The following CNTNAP2 variants were observed in gnomAD, a reference collection of about 807,000 sequenced individuals.
CNTNAP2 encodes the protein contactin-associated protein-like 2.
CNTNAP2 carries 98 observed loss-of-function variants against 155.2 expected under a neutral mutation model. That is an observed-to-expected ratio of 0.63 (90% CI 0.54 to 0.75). The LOEUF (loss-of-function observed/expected upper bound fraction) is 0.75, where lower values mean the gene tolerates loss of function less well. CNTNAP2 is among the 30% of genes least tolerant of loss of function. CNTNAP2 has a pLI of 0.00. For missense variants in CNTNAP2, 1,727 were observed against 1,688.1 expected (o/e 1.02, Z -0.40); for synonymous variants, 651 against 631.2 (o/e 1.03, Z -0.47).
chr7:147,813,697 C>T (rs1163221910), intron 13 of CNTNAP2, among the ~76,000 whole-genome samples: 2 of 152,182 alleles, frequency 1.3e-5, no homozygotes, highest in African/African-American at 4.8e-5. Flanking sequence ...TGTGATATTA[C>T]TCACTGAACA....
chr7:147,745,978 T>C (rs187413738), intron 13 of CNTNAP2, among the ~76,000 whole-genome samples: 35 of 152,344 alleles, frequency 2.3e-4, no homozygotes, highest in African/African-American at 8.4e-4. Context: ...GTGTAATCTG[T>C]ATAATTGTTT....
intron 10 of CNTNAP2, among the ~76,000 whole-genome samples, chr7:147,428,813 G>A (rs1797422345): frequency 6.6e-6 from 1 of 152,072 alleles, no homozygotes; most frequent in South Asian, 2.1e-4. Context: ...TTTGGGAACA[G>A]GTGGTGTTTG....
intron 1 of CNTNAP2, among the ~76,000 whole-genome samples, chr7:146,155,043 G>T (rs952409580): frequency 2.6e-5 from 4 of 152,100 alleles, no homozygotes; most frequent in Admixed American, 2.6e-4. Flanking sequence ...AACTCTAATT[G>T]CTTCAACAGA....
intron 2 of CNTNAP2, among the ~76,000 whole-genome samples, chr7:146,783,044 G>A (rs1440513115): frequency 1.3e-5 from 2 of 152,044 alleles, no homozygotes; most frequent in African/African-American, 4.8e-5. Context: ...TATTTTTGGG[G>A]TGTTAAGACT....
chr7:147,352,034 G>T (rs1795975801), intron 9 of CNTNAP2, among the ~76,000 whole-genome samples: 1 of 151,872 alleles, frequency 6.6e-6, no homozygotes, highest in Admixed American at 6.6e-5. Context: ...TTAATTAGCT[G>T]ATAAAACAAA....
At chr7:147,386,557 C>T (rs1796629333) in intron 9 of CNTNAP2, among the ~76,000 whole-genome samples, 1 of 152,188 alleles carries the variant, frequency 6.6e-6, no homozygotes, top group Non-Finnish European at 1.5e-5. Flanking sequence ...TCTGCTAAAA[C>T]ATAACAAGAG....
At chr7:148,185,430 T>C (rs919838135) in intron 18 of CNTNAP2, among the ~76,000 whole-genome samples, 7 of 152,226 alleles carry the variant, frequency 4.6e-5, no homozygotes, top group Admixed American at 3.9e-4. Flanking sequence ...GAGTATCTTA[T>C]AGAGTTTCAA....
intron 1 of CNTNAP2, among the ~76,000 whole-genome samples, chr7:146,297,638 T>G (rs1264193424): frequency 6.6e-6 from 1 of 152,168 alleles, no homozygotes; most frequent in Non-Finnish European, 1.5e-5. Flanking sequence ...AAGGATTCCA[T>G]GTAGGTAATA....
At chr7:146,817,423 G>T (rs968261328) in intron 2 of CNTNAP2, among the ~76,000 whole-genome samples, 1 of 151,248 alleles carries the variant, frequency 6.6e-6, no homozygotes, top group Admixed American at 6.6e-5. Context: ...AGTGAGCCGA[G>T]ATCGTGCCAC....
At chr7:146,673,563 C>T (rs1369949772) in intron 1 of CNTNAP2, among the ~76,000 whole-genome samples, 1 of 152,148 alleles carries the variant, frequency 6.6e-6, no homozygotes, top group Admixed American at 6.5e-5. Context: ...CAAGTCTCAT[C>T]CCATTACGAC....
At chr7:148,226,527 A>G (rs7791058) in intron 19 of CNTNAP2, among the ~76,000 whole-genome samples, 50,830 of 152,144 alleles carry the variant, frequency 0.33, 8,794 homozygotes, top group East Asian at 0.6. Context: ...CAGCTTCCCA[A>G]TCAGATCTCA....
chr7:146,258,488 A>G (rs942916942), intron 1 of CNTNAP2, among the ~76,000 whole-genome samples: 4 of 152,210 alleles, frequency 2.6e-5, no homozygotes, highest in African/African-American at 9.6e-5. Context: ...TATGTGTTAT[A>G]TTGTAAATAA....
At chr7:147,394,592 G>C (rs1185077287) in intron 9 of CNTNAP2, among the ~76,000 whole-genome samples, 1 of 151,926 alleles carries the variant, frequency 6.6e-6, no homozygotes, top group Non-Finnish European at 1.5e-5. Context: ...GGGACTTTCT[G>C]GAGATACTTA....
rs1437906497 is a variant in CNTNAP2, at chr7:148,224,300, G to GAGAATGGGAATGGAGAATTAAAA, written c.3248-5345_3248-5344insGAATGGGAATGGAGAATTAAAAA. On this transcript the variant is annotated intron_variant, in intron 19 of 23. Transcript: ENST00000361727. The stretch of plus-strand genomic sequence containing the variant: ...TCATCTCCGTCATTCCCAAACAATG[G>GAGAATGGGAATGGAGAATTAAAA]ACTATTTTAATGCTATTGGGTAAAG... 4.5e-3 allele frequency among the ~76,000 whole-genome samples: 679 copies of GAGAATGGGAATGGAGAATTAAAA among 152,282 alleles called. 19 individuals carry two copies. The East Asian group carries it at 0.084, about 19-fold the overall frequency.
rs1801733001 is a variant in CNTNAP2 at position 147,992,697 on chromosome 7, A to G, written c.2383+14708A>G. Among the ~76,000 whole-genome samples, 3 of 152,218 alleles carry G rather than the reference A, an allele frequency of 2.0e-5. No homozygotes were observed. In the South Asian group the frequency reaches 6.2e-4, roughly 32 times the overall value. On this transcript the variant is annotated intron_variant, in intron 15 of 23. Coordinates refer to ENST00000361727, the MANE Select transcript of CNTNAP2 (RefSeq NM_014141.6). ...ACCAACACTTAATCAAGAATCTCTCACACTGTCTAAGGGTGAATAGAACAA... is the reference window on the plus strand; with the variant it reads ...ACCAACACTTAATCAAGAATCTCTCGCACTGTCTAAGGGTGAATAGAACAA...
chr7:146,906,074 C>T (rs1002400260), intron 3 of CNTNAP2, among the ~76,000 whole-genome samples: 7 of 152,314 alleles, frequency 4.6e-5, no homozygotes, highest in South Asian at 2.1e-4. Context: ...CACTCCCACC[C>T]GAATATTGAG....
rs1214740708 is a variant in CNTNAP2, at chr7:148,268,384, C to T, written c.3475+1258C>T. 9.9e-5 allele frequency among the ~76,000 whole-genome samples: 15 copies of T among 151,934 alleles called. No homozygotes were observed. The East Asian group carries it at 2.7e-3, about 27-fold the overall frequency. On this transcript the variant is annotated intron_variant, in intron 21 of 23. Transcript: ENST00000361727. ...AATAAAAATAATAGACTGGGCGTGGCGGCTCATGTCTGTAATCCCAGCACT... is the reference window on the plus strand; with the variant it reads ...AATAAAAATAATAGACTGGGCGTGGTGGCTCATGTCTGTAATCCCAGCACT...
chr7:146,223,033 T>C (rs774642897), intron 1 of CNTNAP2, among the ~76,000 whole-genome samples: 1 of 152,240 alleles, frequency 6.6e-6, no homozygotes, highest in South Asian at 2.1e-4. Context: ...TCAGGGACTA[T>C]GTATGATGCC....
intron 13 of CNTNAP2, among the ~76,000 whole-genome samples, chr7:147,794,783 G>A (rs888429654): frequency 5.3e-5 from 8 of 151,246 alleles, no homozygotes; most frequent in African/African-American, 1.9e-4. Flanking sequence ...GTTAAAGGCC[G>A]TTAATATATT....
Sources: gnomAD v4.1 joint callset for allele counts (sites outside exome capture counted in the v4.1 genomes callset) on GRCh38, gnomAD v4.1.1 for gene constraint, MANE v1.5 for transcripts, NCBI Gene and HGNC (gene_info 2026-07-23, HGNC 2026-07-21) for gene names.